The following CELF2 variants were observed in gnomAD, a reference collection of about 807,000 sequenced individuals.
CELF2 encodes CUG triplet repeat RNA-binding protein 2.
In CELF2, 8 loss-of-function variants were observed where a neutral mutation model predicts 62.6. That is an observed-to-expected ratio of 0.13 (90% CI 0.07 to 0.23). The LOEUF is 0.23. Ranked by LOEUF, CELF2 falls within the 10% of genes least tolerant of loss-of-function variation. The probability of loss-of-function intolerance (pLI) is 1.00; values close to 1 mark genes in which losing one functional copy is unlikely to be tolerated. For missense variants in CELF2, 333 were observed against 671.0 expected, an observed-to-expected ratio of 0.50 and a Z score of 5.56; for synonymous variants, 258 against 250.0, an observed-to-expected ratio of 1.03 and a Z score of -0.30.
chr10:10,468,992 T>C, the CELF2 span, among the ~76,000 whole-genome samples: 1 of 151,958 alleles, frequency 6.6e-6, no homozygotes. Flanking sequence ...AAAGTTAGTA[T>C]GAACTTATTA....
chr10:10,745,502 C>A, the CELF2 span, among the ~76,000 whole-genome samples: 1 of 152,182 alleles, frequency 6.6e-6, no homozygotes, highest in African/African-American at 2.4e-5. Flanking sequence ...TTGGCAGATC[C>A]TTCCCAACAG....
At chr10:10,725,601 C>T in the CELF2 span, among the ~76,000 whole-genome samples, 2 of 152,276 alleles carry the variant, frequency 1.3e-5, no homozygotes, top group African/African-American at 4.8e-5. Context: ...CAAGCAGAGG[C>T]TGAGAGCCAG....
At chr10:11,226,221 T>A (rs923064889) in intron 3 of CELF2, among the ~76,000 whole-genome samples, 1 of 152,226 alleles carries the variant, frequency 6.6e-6, no homozygotes, top group South Asian at 2.1e-4. Context: ...ATACCCTGTT[T>A]TACTGACAAG....
chr10:11,060,603 C>T (rs2066485963), intron 1 of CELF2, among the ~76,000 whole-genome samples: 1 of 152,148 alleles, frequency 6.6e-6, no homozygotes, highest in Non-Finnish European at 1.5e-5. Flanking sequence ...TTTAATTGCA[C>T]TTCACTGGAA....
At chr10:11,174,627 A>G (rs113112812) in intron 2 of CELF2, among the ~76,000 whole-genome samples, 1 of 152,240 alleles carries the variant, frequency 6.6e-6, no homozygotes, top group Non-Finnish European at 1.5e-5. Flanking sequence ...TACTCACCAC[A>G]CTATTTAACT....
At chr10:11,095,907 T>A (rs912582635) in intron 1 of CELF2, among the ~76,000 whole-genome samples, 4 of 151,772 alleles carry the variant, frequency 2.6e-5, no homozygotes, top group Non-Finnish European at 5.9e-5. Context: ...TAAGGAAAAC[T>A]ATATTTAAAA....
intron 1 of CELF2, among the ~76,000 whole-genome samples, chr10:10,909,475 C>T (rs1300334978): frequency 6.6e-6 from 1 of 152,200 alleles, no homozygotes; most frequent in African/African-American, 2.4e-5. Flanking sequence ...CACAAAACTG[C>T]TTGTTCTTCT....
rs1354320723 is a variant in CELF2, at chr10:11,302,702, G to A, written c.977-11437G>A. On this transcript the variant is annotated intron_variant, in intron 9 of 12. Coordinates refer to ENST00000633077, the MANE Select transcript of CELF2 (RefSeq NM_001326342.2). This position sits in a 1 kb window ranked among gnomAD's most constrained non-coding sequence, Gnocchi z 5.0. ...GCAGCTGCTGTGTATAGGTTTCCCC[G>A]GGAGAGAAAGTAAAAGCTGTTTCCA... Among the ~76,000 whole-genome samples the A allele has an allele frequency of 2.0e-5, 3 of 152,144 alleles. No homozygotes were observed. Among genetic ancestry groups the A allele is most frequent in the Non-Finnish European group, 4.4e-5 (3 of 68,022 alleles).
At chr10:11,122,067 C>T (rs1371568710) in intron 1 of CELF2, among the ~76,000 whole-genome samples, 1 of 152,222 alleles carries the variant, frequency 6.6e-6, no homozygotes, top group African/African-American at 2.4e-5. Context: ...ATAATTGAGG[C>T]ATCTCTGGCA....
chr10:11,057,630 C>T (rs1230633175), intron 1 of CELF2, among the ~76,000 whole-genome samples: 1 of 152,090 alleles, frequency 6.6e-6, no homozygotes, highest in Non-Finnish European at 1.5e-5. Context: ...AAGCCATTGA[C>T]GTAGTATGTT....
chr10:10,653,878 T>G, the CELF2 span, among the ~76,000 whole-genome samples: 9 of 151,174 alleles, frequency 6.0e-5, no homozygotes, highest in African/African-American at 2.2e-4. Context: ...AGAGCAGAAT[T>G]GAAGGAAATA....
In CELF2 at chr10:10,995,141, G is replaced by A. The variant is rs994773461; in HGVS notation, c.89+75142G>A. On this transcript the variant is annotated intron_variant, in intron 2 of 13. Coordinates refer to the CELF2 transcript ENST00000636488. The surrounding 1 kb of genome is among the most constrained non-coding windows in gnomAD (Gnocchi z 4.7). ...CTAACTTGGTTATAAGTTCCTTAAG[G>A]GCAGGAGCTATGCCCCGTGCCTCTT... Among the ~76,000 whole-genome samples, 1 of 152,092 alleles carries A rather than the reference G, an allele frequency of 6.6e-6. No individual in the cohort carries two copies. Among genetic ancestry groups the A allele is most frequent in the African/African-American group, 2.4e-5 (1 of 41,406 alleles).
intron 1 of CELF2, among the ~76,000 whole-genome samples, chr10:10,900,364 G>A (rs1260138368): frequency 6.6e-6 from 1 of 152,162 alleles, no homozygotes; most frequent in Non-Finnish European, 1.5e-5. Context: ...TTTATAGAAA[G>A]TGACATTCCT....
the CELF2 span, among the ~76,000 whole-genome samples, chr10:10,666,610 C>A: frequency 4.0e-5 from 3 of 75,828 alleles, 1 homozygote; most frequent in South Asian, 1.8e-3. Flanking sequence ...CGCCTGTAAT[C>A]CCAGCACTTT....
chr10:11,014,545 G>A (rs576577686), upstream of CELF2, among the ~76,000 whole-genome samples: 1 of 152,196 alleles, frequency 6.6e-6, no homozygotes, highest in South Asian at 2.1e-4. Flanking sequence ...TGAGGTGGCA[G>A]GAAAAGGGTT....
intron 1 of CELF2, among the ~76,000 whole-genome samples, chr10:10,843,940 C>T (rs1177963276): frequency 2.6e-5 from 4 of 151,820 alleles, no homozygotes; most frequent in Admixed American, 1.3e-4. Context: ...CTTGTCTGAG[C>T]AGCCACTTAT....
At chr10:11,079,074 C>T (rs912348726) in intron 1 of CELF2, among the ~76,000 whole-genome samples, 1 of 152,090 alleles carries the variant, frequency 6.6e-6, no homozygotes, top group Admixed American at 6.6e-5. Context: ...AAACTACTTA[C>T]TCCTCTGTTT....
Position 11,046,674 on chromosome 10 carries a change from C to T in CELF2, c.74+28511C>T, listed in dbSNP as rs985652093. Among the ~76,000 whole-genome samples the T allele has an allele frequency of 4.6e-5, 7 of 152,144 alleles. No individual in the cohort carries two copies. The highest frequency in any genetic ancestry group is 2.6e-4 in the Admixed American group (4 of 15,274). The stretch of plus-strand genomic sequence containing the variant: ...ATTTCAGACGGACGCTAATAACAGC[C>T]CGCAGAACCCTCAGGACCCATACAG... On this transcript the variant is annotated intron_variant, in intron 1 of 12. Coordinates refer to ENST00000633077, the MANE Select transcript of CELF2 (RefSeq NM_001326342.2). This position sits in a 1 kb window ranked among gnomAD's most constrained non-coding sequence, Gnocchi z 4.6.
the CELF2 span, among the ~76,000 whole-genome samples, chr10:10,575,040 C>G: frequency 6.6e-6 from 1 of 151,994 alleles, no homozygotes; most frequent in Admixed American, 6.6e-5. Context: ...TAAATTCAAG[C>G]AAATGGCTTT....
Sources: gnomAD v4.1 joint callset for allele counts (sites outside exome capture counted in the v4.1 genomes callset) on GRCh38, gnomAD v4.1.1 for gene constraint, Gnocchi (gnomAD v3.1) non-coding constraint, MANE v1.5 for transcripts, NCBI Gene and HGNC (gene_info 2026-07-23, HGNC 2026-07-21) for gene names.